Variants in CNGB3 observed in about 807,000 individuals in gnomAD.
The protein encoded by CNGB3 is cyclic nucleotide gated channel subunit beta 3.
CNGB3 carries 86 observed loss-of-function variants against 92.8 expected under a neutral mutation model. The ratio of observed to expected loss-of-function variants is 0.93; its 90% CI spans 0.78 to 1.11. The LOEUF is 1.11. Ranked by LOEUF, CNGB3 falls within the 50% of genes least tolerant of loss-of-function variation. The pLI, the probability that CNGB3 is intolerant of heterozygous loss-of-function variation, is 0.00. For missense variants in CNGB3, 1,026 were observed against 956.8 expected, an observed-to-expected ratio of 1.07 and a Z score of -0.95; for synonymous variants, 333 against 332.7, an observed-to-expected ratio of 1.00 and a Z score of -0.01.
intron 6 of CNGB3, among the ~76,000 whole-genome samples, chr8:86,665,104 G>A (rs771846803): frequency 6.6e-5 from 10 of 152,064 alleles, no homozygotes; most frequent in East Asian, 1.9e-4. Flanking sequence ...TGGACAGTGC[G>A]GTGAATCTAT....
intron 11 of CNGB3, among the ~76,000 whole-genome samples, chr8:86,630,900 C>T (rs1822949696): frequency 6.6e-6 from 1 of 152,044 alleles, no homozygotes; most frequent in Non-Finnish European, 1.5e-5. Context: ...ATGATTAGTT[C>T]CATCGTATAG....
At chr8:86,644,789 T>C in intron 8 of CNGB3, 103 bp from the exon 9 acceptor site, 1 of 820,884 alleles carries the variant, frequency 1.2e-6, no homozygotes, top group Non-Finnish European at 1.6e-6. Context: ...ATAATTTCAT[T>C]CATATGTCTT....
chr8:86,639,754 A>G (rs1416534697), intron 10 of CNGB3, among the ~76,000 whole-genome samples: 1 of 152,164 alleles, frequency 6.6e-6, no homozygotes, highest in Non-Finnish European at 1.5e-5. Context: ...ATCTAAAAAG[A>G]TAAGTAAAGA....
chr8:86,586,768 G>C (rs1319691932), intron 15 of CNGB3, among the ~76,000 whole-genome samples: 1 of 147,200 alleles, frequency 6.8e-6, no homozygotes, highest in Non-Finnish European at 1.5e-5. Flanking sequence ...CCAAGTCTTT[G>C]CTATTGTGAA....
intron 3 of CNGB3, among the ~76,000 whole-genome samples, chr8:86,725,111 C>T (rs1211813637): frequency 6.6e-6 from 1 of 152,156 alleles, no homozygotes; most frequent in East Asian, 1.9e-4. Context: ...TTAGTTATGG[C>T]TTCAACTTCA....
At chr8:86,728,879 T>A (rs1240208855) in intron 2 of CNGB3, among the ~76,000 whole-genome samples, 2 of 152,180 alleles carry the variant, frequency 1.3e-5, no homozygotes, top group African/African-American at 2.4e-5. Context: ...ATAGAATCTG[T>A]ACTGTAAAAC....
At chr8:86,721,784 TG>T (rs1435046830) in intron 3 of CNGB3, among the ~76,000 whole-genome samples, 1 of 152,314 alleles carries the variant, frequency 6.6e-6, no homozygotes, top group African/African-American at 2.4e-5. Context: ...TTTGTAAACT[TG>T]ATAGCTGACA....
At chr8:86,692,652 C>T (rs574382977) in intron 3 of CNGB3, among the ~76,000 whole-genome samples, 68 of 152,268 alleles carry the variant, frequency 4.5e-4, no homozygotes, top group Middle Eastern at 6.8e-3. Context: ...AGACAGCAGA[C>T]ACTTGGTTGG....
intron 10 of CNGB3, among the ~76,000 whole-genome samples, chr8:86,637,799 T>C (rs1432791164): frequency 1.3e-5 from 2 of 152,190 alleles, no homozygotes; most frequent in African/African-American, 4.8e-5. Context: ...CAAATGCATA[T>C]ACCTGTGTAA....
At chr8:86,731,803 A>G (rs1452473768) in intron 2 of CNGB3, among the ~76,000 whole-genome samples, 4 of 152,214 alleles carry the variant, frequency 2.6e-5, no homozygotes, top group South Asian at 4.1e-4. Context: ...AAAATGCAAT[A>G]TAAACACAAA....
chr8:86,731,895 G>A (rs192137296), intron 2 of CNGB3, among the ~76,000 whole-genome samples: 82 of 152,254 alleles, frequency 5.4e-4, no homozygotes, highest in Admixed American at 2.1e-3. Flanking sequence ...TAGCACTGAC[G>A]TATGTGGGGC....
intron 14 of CNGB3, among the ~76,000 whole-genome samples, chr8:86,609,855 C>T (rs1316970058): frequency 6.6e-6 from 1 of 151,860 alleles, no homozygotes; most frequent in Non-Finnish European, 1.5e-5. Flanking sequence ...TTTTTTTAAA[C>T]TAAAGAACTA....
chr8:86,667,067 G>T lies in CNGB3; in HGVS notation c.710C>A (p.Pro237Gln), dbSNP rs760338963. The T allele has an allele frequency of 6.2e-7, 1 of 1,613,994 alleles. No homozygotes were observed. The highest frequency in any genetic ancestry group is 1.1e-5 in the South Asian group (1 of 91,080). ...TTGATATGGGAAGACGAGGCGCAGT[G>T]GTATAAAACAGCAGTTCCAGTTATA... The part of the protein sequence containing the change: ...LAYNWNCCFI[P>Q]LRLVFPYQTA... Residue 237 changes from proline (P) to glutamine (Q), a missense_variant, in exon 6 of 18, where the codon CCA becomes CAA. Transcript: ENST00000320005.
At chr8:86,598,761 A>C (rs1822225108) in intron 15 of CNGB3, among the ~76,000 whole-genome samples, 1 of 152,182 alleles carries the variant, frequency 6.6e-6, no homozygotes, top group African/African-American at 2.4e-5. Context: ...ACTTATAAAA[A>C]GTGTCCTTAG....
chr8:86,705,672 G>T (rs573007512), intron 3 of CNGB3, among the ~76,000 whole-genome samples: 1 of 152,144 alleles, frequency 6.6e-6, no homozygotes, highest in East Asian at 1.9e-4. Context: ...TGACATGAGC[G>T]CTGGGGGTTC....
intron 13 of CNGB3, 143 bp from the exon 14 acceptor site, chr8:86,611,814 C>A (rs1329141005): frequency 3.0e-6 from 2 of 672,014 alleles, no homozygotes; most frequent in Non-Finnish European, 5.2e-6. Context: ...ATGGACATGT[C>A]ATGACTCAAA....
At chr8:86,739,429 G>A (rs1426571726) in intron 2 of CNGB3, among the ~76,000 whole-genome samples, 1 of 152,190 alleles carries the variant, frequency 6.6e-6, no homozygotes, top group East Asian at 1.9e-4. Flanking sequence ...CCATGGAACA[G>A]TGCCTGGCAC....
intron 3 of CNGB3, among the ~76,000 whole-genome samples, chr8:86,722,253 A>G (rs535364094): frequency 2.0e-5 from 3 of 152,236 alleles, no homozygotes; most frequent in South Asian, 4.1e-4. Context: ...TTTGCTTGCT[A>G]TTCATTAGTG....
intron 6 of CNGB3, chr8:86,659,103 C>A: frequency 1.3e-6 from 1 of 743,144 alleles, no homozygotes; most frequent in East Asian, 2.5e-5. Context: ...GATCTGTTCC[C>A]TCAGTTTGGC....
Sources: allele counts gnomAD v4.1 joint callset (sites outside exome capture counted in the v4.1 genomes callset), GRCh38; gene constraint gnomAD v4.1.1; transcripts MANE v1.5; gene names NCBI Gene and HGNC (gene_info 2026-07-23, HGNC 2026-07-21).